The following C2CD2 variants were observed in gnomAD, a reference collection of about 807,000 sequenced individuals.
The protein encoded by C2CD2 is C2 calcium dependent domain containing 2.
C2CD2 carries 43 observed loss-of-function variants against 74.3 expected under a neutral mutation model. The ratio of observed to expected loss-of-function variants is 0.58; its 90% CI spans 0.45 to 0.75. The LOEUF (loss-of-function observed/expected upper bound fraction) is 0.75, where lower values mean the gene tolerates loss of function less well. Among genes scored for constraint, C2CD2 ranks in the 30% least tolerant of loss-of-function variants. The pLI, the probability that C2CD2 is intolerant of heterozygous loss-of-function variation, is 0.00. For synonymous variants in C2CD2, 422 were observed against 390.7 expected, an observed-to-expected ratio of 1.08 and a Z score of -0.94; for missense variants, 801 against 916.3, an observed-to-expected ratio of 0.87 and a Z score of 1.63.
At chr21:41,950,872 T>C (rs542797075) in intron 1 of C2CD2, among the ~76,000 whole-genome samples, 1 of 152,350 alleles carries the variant, frequency 6.6e-6, no homozygotes, top group East Asian at 1.9e-4. Flanking sequence ...ATTAAGTTAT[T>C]ACCAGTGTCT....
intron 2 of C2CD2, among the ~76,000 whole-genome samples, chr21:41,934,202 T>C (rs1400546829): frequency 1.3e-5 from 2 of 152,190 alleles, no homozygotes; most frequent in African/African-American, 2.4e-5. Flanking sequence ...CAGAAGACGA[T>C]GGATTACTTG....
intron 1 of C2CD2, among the ~76,000 whole-genome samples, chr21:41,946,832 C>T (rs2065401527): frequency 6.6e-6 from 1 of 152,078 alleles, no homozygotes; most frequent in Admixed American, 6.5e-5. Flanking sequence ...TCGCTCCAAC[C>T]ATATGAAAAT....
chr21:41,904,020 C>G (rs2064931137), intron 11 of C2CD2, among the ~76,000 whole-genome samples: 1 of 152,058 alleles, frequency 6.6e-6, no homozygotes, highest in Non-Finnish European at 1.5e-5. Context: ...GGCTGCACTC[C>G]CAGGAGGTGA....
intron 5 of C2CD2, among the ~76,000 whole-genome samples, chr21:41,915,084 T>C (rs2065073569): frequency 6.6e-6 from 1 of 152,200 alleles, no homozygotes; most frequent in Non-Finnish European, 1.5e-5. Flanking sequence ...CTTAAGAGCA[T>C]GAGGACCTCT....
intron 1 of C2CD2, among the ~76,000 whole-genome samples, chr21:41,951,070 C>T (rs544193601): frequency 2.6e-5 from 4 of 152,154 alleles, no homozygotes; most frequent in Non-Finnish European, 4.4e-5. Flanking sequence ...CACGAATGGA[C>T]ACAGCAGCCC....
At chr21:41,893,613 C>A (rs1375544876) in intron 13 of C2CD2, among the ~76,000 whole-genome samples, 1 of 152,050 alleles carries the variant, frequency 6.6e-6, no homozygotes, top group Non-Finnish European at 1.5e-5. Context: ...TACACCCTAC[C>A]GAGAGGGGCT....
rs1276820440 is a variant in C2CD2 at position 41,912,441 on chromosome 21, C to G, written c.845-1G>C. On this transcript the variant is annotated splice_acceptor_variant, in intron 6 of 13. Transcript: ENST00000380486. LOFTEE classifies it high-confidence loss of function. ...ACGACGCACACTGCATTAATGTGGCCTGTAATTAAATAGAAGGGCATCGTG... is the reference window on the plus strand; with the variant it reads ...ACGACGCACACTGCATTAATGTGGCGTGTAATTAAATAGAAGGGCATCGTG... 6.4e-7 allele frequency: 1 copy of G among 1,571,512 alleles called. No homozygotes were observed. Among genetic ancestry groups the G allele is most frequent in the Non-Finnish European group, 8.6e-7 (1 of 1,156,350 alleles).
rs1178715365 is a variant in C2CD2 at position 41,942,192 on chromosome 21, C to T, written c.333G>A (p.Leu111=). The change falls in exon 2 of 14, where the codon CTG becomes CTA. Residue 111 remains leucine, a synonymous_variant. Coordinates refer to ENST00000380486, the MANE Select transcript of C2CD2 (RefSeq NM_015500.2). ...EEDPRQQALE[L]VVQEVSSVLR... is the part of the protein sequence containing the mutation. ...GCACGCTGGAGACCTCCTGCACCAC[C>T]AGCTCCAGTGCCTGCTGCCGCGGGT... 6.5e-7 allele frequency: 1 copy of T among 1,549,420 alleles called. No homozygotes were observed. The highest frequency in any genetic ancestry group is 1.4e-5 in the African/African-American group (1 of 72,992).
chr21:41,929,701 T>C lies in C2CD2; in HGVS notation c.379-7616A>G, dbSNP rs572310615. On this transcript the variant is annotated intron_variant, in intron 2 of 13. Coordinates refer to ENST00000380486, the MANE Select transcript of C2CD2 (RefSeq NM_015500.2). The surrounding 1 kb of genome is among the most constrained non-coding windows in gnomAD (Gnocchi z 4.6). Reference sequence around the variant, plus strand: ...GTCCAGGACTCCTGGCTCCACACCATGCCAGGCGACATCACTCAAGTCTCC... The same window carrying C: ...GTCCAGGACTCCTGGCTCCACACCACGCCAGGCGACATCACTCAAGTCTCC... Among the ~76,000 whole-genome samples the C allele has an allele frequency of 1.5e-4, 23 of 152,122 alleles. 1 individual carries two copies. The Middle Eastern group carries it at 0.027, about 180-fold the overall frequency.
chr21:41,896,240 T>A (rs2064820813), intron 13 of C2CD2, among the ~76,000 whole-genome samples: 1 of 152,152 alleles, frequency 6.6e-6, no homozygotes, highest in African/African-American at 2.4e-5. Context: ...GGCATAGCGA[T>A]CCTCTTAAGT....
chr21:41,942,051 A>G, intron 2 of C2CD2, 96 bp downstream of exon 2: 2 of 1,464,140 alleles, frequency 1.4e-6, no homozygotes, highest in South Asian at 2.8e-5. Context: ...TCCTAGTGTA[A>G]GGGTTCCGCA....
chr21:41,896,126 G>GT (rs1233331774), intron 13 of C2CD2, among the ~76,000 whole-genome samples: 7 of 152,180 alleles, frequency 4.6e-5, no homozygotes, highest in Non-Finnish European at 2.9e-5. Context: ...GAGGCAGGCA[G>GT]GTCGGCTGGC....
At chr21:41,938,509 A>T (rs1413651662) in intron 2 of C2CD2, among the ~76,000 whole-genome samples, 1 of 152,102 alleles carries the variant, frequency 6.6e-6, no homozygotes, top group African/African-American at 2.4e-5. Context: ...CAGAACCTGC[A>T]TCTTCCCAAA....
At chr21:41,914,359 G>A (rs1486081085) in intron 6 of C2CD2, among the ~76,000 whole-genome samples, 1 of 151,338 alleles carries the variant, frequency 6.6e-6, no homozygotes, top group Non-Finnish European at 1.5e-5. Context: ...AAATGAAAAA[G>A]GCCAAACCAA....
rs762931823 is a variant in C2CD2, at chr21:41,901,685, A to C, written c.1497T>G (p.Ser499=). ...AEVAIRQLSE[S]SKLKLKSPRK... is the part of the protein sequence containing the mutation. ...GTGGCGACTTGAGTTTCAGCTTTGA[A>C]GATTCACTGAGCTGTCGAATGGCCA... The change falls in exon 12 of 14, where the codon TCT becomes TCG. Residue 499 remains serine (S), a synonymous_variant. Coordinates refer to ENST00000380486, the MANE Select transcript of C2CD2 (RefSeq NM_015500.2). 6.2e-7 allele frequency: 1 copy of C among 1,614,046 alleles called. No individual in the cohort carries two copies. Among genetic ancestry groups the C allele is most frequent in the Non-Finnish European group, 8.5e-7 (1 of 1,179,872 alleles).
Position 41,926,394 on chromosome 21 carries a change from G to A in C2CD2, c.379-4309C>T, listed in dbSNP as rs939485542. 76 of 979,906 alleles carry A rather than the reference G, an allele frequency of 7.8e-5. No homozygotes were observed. The highest frequency in any genetic ancestry group is 8.8e-5 in the African/African-American group (5 of 57,100). 60.7% of individuals were successfully genotyped at this position (979,906 alleles called of 1,614,324 possible). A position where few individuals can be genotyped will look rare whatever the true frequency, so the allele number is the denominator to read the frequency against. On this transcript the variant is annotated intron_variant, in intron 2 of 13. Transcript: ENST00000380486. The surrounding 1 kb of genome is among the most constrained non-coding windows in gnomAD (Gnocchi z 8.0). ...GGTCTCCACATGGAAAGGCCAAGGGGGGACTCACGGTTGGCAGGTGAGGGT... is the reference window on the plus strand; with the variant it reads ...GGTCTCCACATGGAAAGGCCAAGGGAGGACTCACGGTTGGCAGGTGAGGGT...
At chr21:41,914,508 A>G in intron 6 of C2CD2, 90 bp downstream of exon 6, 1 of 1,168,276 alleles carries the variant, frequency 8.6e-7, no homozygotes, top group East Asian at 2.5e-5. Flanking sequence ...GGAGGATGCC[A>G]CCAGAGAATC....
chr21:41,947,154 C>CTCCCTCCCTCTCTCCT (rs1405302476), intron 1 of C2CD2, among the ~76,000 whole-genome samples: 1 of 143,652 alleles, frequency 7.0e-6, no homozygotes, highest in Non-Finnish European at 1.5e-5. Flanking sequence ...CCCTCCCTCC[C>CTCCCTCCCTCTCTCCT]TCCCTCTCTC....
At chr21:41,891,884 G>C (rs555662107) in intron 13 of C2CD2, among the ~76,000 whole-genome samples, 5 of 152,092 alleles carry the variant, frequency 3.3e-5, no homozygotes, top group African/African-American at 1.2e-4. Flanking sequence ...CACCTCCAAA[G>C]TCCATTTCAT....
Sources: allele counts gnomAD v4.1 joint callset (sites outside exome capture counted in the v4.1 genomes callset), GRCh38; gene constraint gnomAD v4.1.1; non-coding constraint Gnocchi (gnomAD v3.1); transcripts MANE v1.5; gene names NCBI Gene and HGNC (gene_info 2026-07-23, HGNC 2026-07-21).